The following MAGI1 variants were observed in gnomAD, a reference collection of about 807,000 sequenced individuals.
The protein encoded by MAGI1 is membrane associated guanylate kinase, WW and PDZ domain containing 1, also known as membrane-associated guanylate kinase, WW and PDZ domain-containing protein 1.
MAGI1 carries 58 observed loss-of-function variants against 139.9 expected under a neutral mutation model. The ratio of observed to expected loss-of-function variants is 0.41; its 90% CI spans 0.34 to 0.52. The LOEUF (loss-of-function observed/expected upper bound fraction) is 0.52, where lower values mean the gene tolerates loss of function less well. MAGI1 is among the 20% of genes least tolerant of loss of function. The pLI, the probability that MAGI1 is intolerant of heterozygous loss-of-function variation, is 0.12. For synonymous variants in MAGI1, 812 were observed against 737.9 expected (o/e 1.10, Z -1.63); for missense variants, 1,874 against 1,901.6 (o/e 0.99, Z 0.27).
intron 1 of MAGI1, among the ~76,000 whole-genome samples, chr3:65,999,918 T>C (rs2066649055): frequency 6.7e-6 from 1 of 150,364 alleles, no homozygotes; most frequent in African/African-American, 2.4e-5. Flanking sequence ...TTAAACTAGG[T>C]AACCATATCT....
chr3:66,001,080 G>A (rs549907270), intron 1 of MAGI1, among the ~76,000 whole-genome samples: 1 of 152,276 alleles, frequency 6.6e-6, no homozygotes, highest in South Asian at 2.1e-4. Context: ...AGACAGAAAG[G>A]TCTTTAGAAA....
chr3:65,891,207 AAC>A lies in MAGI1; in HGVS notation c.313+146787_313+146788del, dbSNP rs202203334. On this transcript the variant is annotated intron_variant, in intron 1 of 22. Coordinates refer to ENST00000402939, the MANE Select transcript of MAGI1 (RefSeq NM_001033057.2). ...ACTGAGTGAGCCCCTGTCACAGAAA[AAC>A]ACACACAAAAAAAAAAAAAGGAAAG... Among the ~76,000 whole-genome samples, 70 of 140,904 alleles carry A rather than the reference AAC, an allele frequency of 5.0e-4. 3 individuals are homozygous for A. The East Asian group carries it at 7.2e-3, about 15-fold the overall frequency. The allele number at this position is 140,904 out of a possible 152,430, so 92.4% of individuals were successfully genotyped here.
intron 1 of MAGI1, among the ~76,000 whole-genome samples, chr3:65,652,916 G>T (rs1468590358): frequency 6.6e-6 from 1 of 152,106 alleles, no homozygotes; most frequent in East Asian, 1.9e-4. Context: ...GGACAAGAAA[G>T]CTATAGTCCT....
At chr3:65,749,009 G>A (rs764657489) in intron 1 of MAGI1, among the ~76,000 whole-genome samples, 4 of 152,176 alleles carry the variant, frequency 2.6e-5, no homozygotes, top group Non-Finnish European at 5.9e-5. Flanking sequence ...GGCAGTAGGG[G>A]TGGACAGTAG....
At chr3:65,611,429 T>C (rs1018128931) in intron 2 of MAGI1, among the ~76,000 whole-genome samples, 3 of 144,634 alleles carry the variant, frequency 2.1e-5, no homozygotes, top group African/African-American at 7.6e-5. Flanking sequence ...ATGTATACTG[T>C]ATATACAGTA....
In MAGI1 at chr3:65,543,606, A is replaced by G. The variant is rs150093294; in HGVS notation, c.431-49975T>C. ...ATGAGTTCATGTCCTTTGCAGACAC[A>G]TGGATGAAGCTGGAAACCATCATTC... On this transcript the variant is annotated intron_variant, in intron 2 of 22. Coordinates refer to ENST00000402939, the MANE Select transcript of MAGI1 (RefSeq NM_001033057.2). Among the ~76,000 whole-genome samples the G allele has an allele frequency of 1.5e-3, 232 of 152,336 alleles. 1 individual carries two copies. The highest frequency in any genetic ancestry group is 5.5e-3 in the African/African-American group (228 of 41,568).
chr3:65,857,822 G>A (rs1261103206), intron 1 of MAGI1, among the ~76,000 whole-genome samples: 2 of 152,112 alleles, frequency 1.3e-5, no homozygotes, highest in Non-Finnish European at 1.5e-5. Context: ...GTTTCGTGGG[G>A]ACACAGTGAA....
At chr3:65,690,438 T>A (rs1363478314) in intron 1 of MAGI1, among the ~76,000 whole-genome samples, 2 of 152,106 alleles carry the variant, frequency 1.3e-5, no homozygotes, top group South Asian at 2.1e-4. Flanking sequence ...ACTGCTGAAT[T>A]TTTTTAGTCA....
chr3:65,637,498 G>A (rs997061031), intron 1 of MAGI1, among the ~76,000 whole-genome samples: 3 of 151,114 alleles, frequency 2.0e-5, no homozygotes, highest in African/African-American at 7.3e-5. Flanking sequence ...AGGCTGCAGT[G>A]AGACATGATG....
At chr3:65,725,136 T>A (rs2033461821) in intron 1 of MAGI1, among the ~76,000 whole-genome samples, 1 of 152,222 alleles carries the variant, frequency 6.6e-6, no homozygotes, top group Admixed American at 6.5e-5. Flanking sequence ...GAGATTCCTT[T>A]GCAACACAGT....
At position 65,780,438 on chromosome 3, in the gene MAGI1, A is replaced by G. The variant is rs566456769; in HGVS notation, c.314-158350T>C. Among the ~76,000 whole-genome samples, 99 of 152,362 alleles carry G rather than the reference A, an allele frequency of 6.5e-4. 1 individual carries two copies. The Middle Eastern group carries it at 0.01, about 16-fold the overall frequency. On this transcript the variant is annotated intron_variant, in intron 1 of 22. Coordinates refer to ENST00000402939, the MANE Select transcript of MAGI1 (RefSeq NM_001033057.2). ...GAAGAAGATTTAAAGCAAAAGTTCT[A>G]TAACCACAGTACTAAGGAGATTCAA... is the stretch of plus-strand genomic sequence containing the variant.
intron 2 of MAGI1, among the ~76,000 whole-genome samples, chr3:65,589,706 A>T (rs2081872459): frequency 6.7e-6 from 1 of 149,128 alleles, no homozygotes; most frequent in Non-Finnish European, 1.5e-5. Flanking sequence ...AAGCAGCCAT[A>T]AAAAAAAATA....
intron 1 of MAGI1, among the ~76,000 whole-genome samples, chr3:65,900,057 T>G (rs760049286): frequency 1.3e-5 from 2 of 152,192 alleles, no homozygotes; most frequent in African/African-American, 4.8e-5. Flanking sequence ...AGCTTTTACA[T>G]TATCATGTGT....
At chr3:65,470,015 T>A (rs529158671) in intron 5 of MAGI1, 1 of 168,780 alleles carries the variant, frequency 5.9e-6, no homozygotes, top group Non-Finnish European at 1.2e-5. Context: ...GCTCTTTGAA[T>A]ATTATGTCAT....
At chr3:65,882,934 C>CAAAAA (rs10574443) in intron 1 of MAGI1, among the ~76,000 whole-genome samples, 1 of 87,040 alleles carries the variant, frequency 1.1e-5, no homozygotes, top group African/African-American at 3.4e-5. Context: ...GACCCTGTCT[C>CAAAAA]AAAAAAAAAA....
chr3:65,706,635 G>A (rs1009298907), intron 1 of MAGI1, among the ~76,000 whole-genome samples: 7 of 152,190 alleles, frequency 4.6e-5, no homozygotes, highest in African/African-American at 1.7e-4. Flanking sequence ...GAAAGATAAG[G>A]AGGATCCAGA....
intron 1 of MAGI1, among the ~76,000 whole-genome samples, chr3:65,886,362 T>C (rs2060531762): frequency 6.6e-6 from 1 of 152,206 alleles, no homozygotes; most frequent in African/African-American, 2.4e-5. Flanking sequence ...ATTTTTCATT[T>C]AATCTCAAAT....
At chr3:65,711,734 G>A (rs1255973861) in intron 1 of MAGI1, among the ~76,000 whole-genome samples, 1 of 152,116 alleles carries the variant, frequency 6.6e-6, no homozygotes, top group African/African-American at 2.4e-5. Flanking sequence ...GGACACAGAG[G>A]GATAACAGCA....
chr3:65,400,061 T>C (rs917164933), intron 13 of MAGI1, among the ~76,000 whole-genome samples: 4 of 152,194 alleles, frequency 2.6e-5, no homozygotes, highest in Non-Finnish European at 5.9e-5. Flanking sequence ...GAGACACATC[T>C]TCTGGATTTC....
Sources: allele counts gnomAD v4.1 joint callset (sites outside exome capture counted in the v4.1 genomes callset), GRCh38; gene constraint gnomAD v4.1.1; transcripts MANE v1.5; gene names NCBI Gene and HGNC (gene_info 2026-07-23, HGNC 2026-07-21).